Variants in KRT39 observed in about 807,000 individuals in gnomAD.
KRT39 encodes keratin, type I cytoskeletal 39.
In KRT39, 47 loss-of-function variants were observed where a neutral mutation model predicts 54.8. That is an observed-to-expected ratio of 0.86 (90% CI 0.68 to 1.09). The LOEUF (loss-of-function observed/expected upper bound fraction) is 1.09. Ranked by LOEUF, KRT39 falls within the 50% of genes least tolerant of loss-of-function variation. KRT39 has a pLI of 0.00. For synonymous variants in KRT39, 207 were observed against 227.9 expected (o/e 0.91, Z 0.83); for missense variants, 580 against 598.5 (o/e 0.97, Z 0.32).
rs748174078 is a variant in KRT39, at chr17:40,963,657, C to T, written c.678G>A (p.Glu226=). Residue 226 remains glutamate (E), a synonymous_variant, in exon 3 of 7, where the codon GAG becomes GAA. Coordinates refer to ENST00000355612, the MANE Select transcript of KRT39 (RefSeq NM_213656.4). ...TGTGGTTGTTCTTGAGGCAAAGGAG[C>T]TCCTCTTTCAGAGACTGGACTTGTG... ...LEAQVQSLKE[E]LLCLKNNHKE... The T allele has an allele frequency of 1.2e-6, 2 of 1,608,680 alleles. No individual in the cohort carries two copies. Among genetic ancestry groups the T allele is most frequent in the Non-Finnish European group, 1.7e-6 (2 of 1,175,818 alleles).
rs1489469282 is a variant in KRT39, at chr17:40,960,486, A to G, written c.1012T>C (p.Cys338Arg). 6.2e-7 allele frequency: 1 copy of G among 1,613,284 alleles called. No homozygotes were observed. The highest frequency in any genetic ancestry group is 8.5e-7 in the Non-Finnish European group (1 of 1,179,634). Residue 338 changes from cysteine (C) to arginine (R), a missense_variant, in exon 6 of 7, where the codon TGC (cysteine) becomes CGC (arginine). Cys to Arg is a radical substitution (Grantham distance 180). Transcript: ENST00000355612. ...CGAGCCTCTGTCTCCGTTAGGATGC[A>G]CTCTTGGGAATCTCTCTACCATGGA... ...AQHRMRDSQE[C>R]ILTETEARYT...
At chr17:40,964,408 T>A (rs776236496) in intron 2 of KRT39, 38 bp downstream of exon 2, 1 of 1,563,042 alleles carries the variant, frequency 6.4e-7, no homozygotes, top group African/African-American at 1.4e-5. Context: ...AGACTCAGGG[T>A]GAGCTCTGTC....
rs150760389 is a variant in KRT39, at chr17:40,962,208, C to A, written c.950G>T (p.Arg317Leu). ...TTCAACCTCCAGAGTGTTCACACTG[C>A]GTCTCAGTTCTATGATCTCCTTTTG... is the stretch of plus-strand genomic sequence containing the variant. ...CCQKEIIELR[R>L]SVNTLEVELQ... Residue 317 changes from arginine (R) to leucine (L), a missense_variant, in exon 5 of 7, where the codon CGC becomes CTC. Coordinates refer to ENST00000355612, the MANE Select transcript of KRT39 (RefSeq NM_213656.4). 8 of 1,614,080 alleles carry A rather than the reference C, an allele frequency of 5.0e-6. No individual in the cohort carries two copies. In the East Asian group the frequency reaches 1.3e-4, roughly 27 times the overall value.
chr17:40,965,226 A>G (rs1343911053), intron 1 of KRT39, among the ~76,000 whole-genome samples: 1 of 150,358 alleles, frequency 6.7e-6, no homozygotes, highest in Non-Finnish European at 1.5e-5. Flanking sequence ...AAATACAAAA[A>G]TTATCTGGGT....
intron 3 of KRT39, 58 bp downstream of exon 3, chr17:40,963,569 G>A: frequency 6.7e-7 from 1 of 1,502,422 alleles, no homozygotes; most frequent in Non-Finnish European, 9.1e-7. Context: ...CAACTCAAAG[G>A]AACTGATGCT....
Position 40,960,731 on chromosome 17 carries a change from G to A in KRT39, c.997-230C>T, listed in dbSNP as rs8079606. 6.8e-3 allele frequency: 3,880 copies of A among 573,620 alleles called. 102 individuals carry two copies. Among genetic ancestry groups the A allele is most frequent in the African/African-American group, 0.064 (3,415 of 53,262 alleles). The allele number at this position is 573,620 out of a possible 1,614,324, so 35.5% of individuals were successfully genotyped here. On this transcript the variant is annotated intron_variant, in intron 5 of 6. Transcript: ENST00000355612. Reference sequence around the variant, plus strand: ...TCTCTCTTTCTCTTTTTGCTTCTCTGTAAGTATTTGTTTCACTTTCTCTTT... The same window carrying A: ...TCTCTCTTTCTCTTTTTGCTTCTCTATAAGTATTTGTTTCACTTTCTCTTT...
intron 5 of KRT39, 46 bp from the exon 6 acceptor site, chr17:40,960,547 C>T (rs1409790600): frequency 2.1e-6 from 3 of 1,437,468 alleles, no homozygotes; most frequent in South Asian, 1.1e-5. Context: ...TCCTTTAAGC[C>T]CAGGTCACCT....
rs1312347851 is a variant in KRT39 at position 40,960,450 on chromosome 17, AGG to A, written c.1046_1047del (p.Ala349ValfsTer10). On this transcript the variant is annotated frameshift_variant, in exon 6 of 7. Transcript: ENST00000355612. LOFTEE classifies it high-confidence loss of function. ...ILTETEARYTALLTQIQSLID... is the reference protein window; with the variant it reads ...ILTETEARYTXLLTQIQSLID... ...ATCAGACTCTGGATCTGGGTCAGCA[AGG>A]CCGTGTAGCGAGCCTCTGTCTCCGT... The A allele has an allele frequency of 1.2e-6, 2 of 1,613,982 alleles. No individual in the cohort carries two copies. The highest frequency in any genetic ancestry group is 1.7e-6 in the Non-Finnish European group (2 of 1,180,028).
chr17:40,962,182 G>A lies in KRT39; in HGVS notation c.976C>T (p.Leu326=), dbSNP rs1020771714. The part of the protein sequence containing the change: ...RRSVNTLEVE[L]QAQHRMRDSQ... ...AGTACCATTCGATGCTGGGCCTGCA[G>A]TTCAACCTCCAGAGTGTTCACACTG... Residue 326 remains leucine, a synonymous_variant, in exon 5 of 7, where the codon CTG becomes TTG. Coordinates refer to ENST00000355612, the MANE Select transcript of KRT39 (RefSeq NM_213656.4). The A allele has an allele frequency of 2.5e-6, 4 of 1,614,088 alleles. No homozygotes were observed. The highest frequency in any genetic ancestry group is 2.7e-5 in the African/African-American group (2 of 74,940).
chr17:40,960,162 G>C (rs1911078969), intron 6 of KRT39, 119 bp downstream of exon 6: 1 of 808,348 alleles, frequency 1.2e-6, no homozygotes, highest in Admixed American at 2.0e-5. Context: ...CTCTGTCCAA[G>C]CTCCCCATCA....
At chr17:40,966,305 A>G in intron 1 of KRT39, 84 bp downstream of exon 1, 3 of 1,188,154 alleles carry the variant, frequency 2.5e-6, no homozygotes, top group Non-Finnish European at 3.6e-6. Context: ...TCAACTGAAC[A>G]AAAAATATTA....
chr17:40,959,818 G>C (rs559755927), intron 6 of KRT39, among the ~76,000 whole-genome samples: 2 of 152,190 alleles, frequency 1.3e-5, no homozygotes, highest in South Asian at 4.1e-4. Context: ...TGCTTCTGTT[G>C]GCCTCAAGGA....
At chr17:40,962,658 G>C in intron 3 of KRT39, 95 bp from the exon 4 acceptor site, 3 of 1,048,162 alleles carry the variant, frequency 2.9e-6, no homozygotes, top group Non-Finnish European at 4.2e-6. Context: ...GCTTAATTGT[G>C]TCTAAAATAT....
chr17:40,965,030 AC>A (rs1376876254), intron 1 of KRT39, among the ~76,000 whole-genome samples: 1 of 134,986 alleles, frequency 7.4e-6, no homozygotes, highest in Non-Finnish European at 1.5e-5. Flanking sequence ...CCCCGTCTCT[AC>A]TAAAAATATA....
chr17:40,960,864 G>A (rs1457854930), intron 5 of KRT39, among the ~76,000 whole-genome samples: 3 of 152,180 alleles, frequency 2.0e-5, no homozygotes, highest in African/African-American at 7.2e-5. Context: ...GGGCGCAGTG[G>A]CTCACGCCTA....
At chr17:40,963,289 G>A (rs112651415) in intron 3 of KRT39, among the ~76,000 whole-genome samples, 66 of 152,094 alleles carry the variant, frequency 4.3e-4, no homozygotes, top group African/African-American at 1.5e-3. Context: ...TGTCCCCCAT[G>A]CTGTTCTTAG....
chr17:40,962,688 C>T (rs934858533), intron 3 of KRT39, 125 bp from the exon 4 acceptor site: 1 of 755,284 alleles, frequency 1.3e-6, no homozygotes. Flanking sequence ...CAAAGGAATA[C>T]ATGATTTACA....
In KRT39 at chr17:40,965,064, C is replaced by T. The variant is rs921828967; in HGVS notation, c.469-536G>A. ...ATAAAAAAAAAAAAAATTAGCTGGG[C>T]GTGGTGGCGGGCGCCTGTAGTCCCA... is the stretch of plus-strand genomic sequence containing the variant. On this transcript the variant is annotated intron_variant, in intron 1 of 6. Transcript: ENST00000355612. 6.6e-5 allele frequency among the ~76,000 whole-genome samples: 10 copies of T among 151,516 alleles called. 1 individual carries two copies. The East Asian group carries it at 9.7e-4, about 15-fold the overall frequency.
intron 2 of KRT39, 95 bp downstream of exon 2, chr17:40,964,351 A>G (rs1268291211): frequency 4.2e-6 from 4 of 960,498 alleles, no homozygotes; most frequent in Non-Finnish European, 6.8e-6. Flanking sequence ...ATCTGGGGCA[A>G]GAGGGTTAGT....
Sources: gnomAD v4.1 joint callset for allele counts (sites outside exome capture counted in the v4.1 genomes callset) on GRCh38, gnomAD v4.1.1 for gene constraint, MANE v1.5 for transcripts, NCBI Gene and HGNC (gene_info 2026-07-23, HGNC 2026-07-21) for gene names.